The following NCAM2 variants were observed in gnomAD, a reference collection of about 807,000 sequenced individuals.
The protein encoded by NCAM2 is N-CAM-2.
NCAM2 carries 30 observed loss-of-function variants against 98.1 expected under a neutral mutation model. That is an observed-to-expected ratio of 0.31 (90% confidence interval 0.23 to 0.41). NCAM2 has a LOEUF of 0.41. Among genes scored for constraint, NCAM2 ranks in the 10% least tolerant of loss-of-function variants. The pLI is 1.00. For missense variants in NCAM2, 867 were observed against 1,005.8 expected, an observed-to-expected ratio of 0.86 and a Z score of 1.87; for synonymous variants, 368 against 342.4, an observed-to-expected ratio of 1.07 and a Z score of -0.83.
At chr21:21,217,917 A>G (rs1450138167) in intron 1 of NCAM2, among the ~76,000 whole-genome samples, 2 of 152,212 alleles carry the variant, frequency 1.3e-5, no homozygotes, top group African/African-American at 2.4e-5. Context: ...GAAAGCTGGT[A>G]GGAAAATGGA....
At chr21:21,177,987 A>T (rs2068349582) in intron 1 of NCAM2, among the ~76,000 whole-genome samples, 1 of 152,144 alleles carries the variant, frequency 6.6e-6, no homozygotes, top group Admixed American at 6.5e-5. Context: ...TTATAAAAAC[A>T]GTTTATATAT....
intron 1 of NCAM2, among the ~76,000 whole-genome samples, chr21:21,114,235 T>A (rs142406464): frequency 1.6e-3 from 244 of 152,314 alleles, no homozygotes; most frequent in African/African-American, 5.7e-3. Context: ...AGGCTTCTCA[T>A]GAGACTCTCC....
intron 1 of NCAM2, among the ~76,000 whole-genome samples, chr21:21,158,262 C>T (rs887818823): frequency 9.9e-5 from 15 of 152,128 alleles, no homozygotes; most frequent in Admixed American, 1.3e-4. Context: ...CACTGTTTTA[C>T]TTGAATACAG....
At chr21:21,328,750 A>T (rs1288303916) in intron 6 of NCAM2, among the ~76,000 whole-genome samples, 2 of 151,968 alleles carry the variant, frequency 1.3e-5, no homozygotes, top group African/African-American at 2.4e-5. Flanking sequence ...AAGTAAAAAA[A>T]GCTAAGGTGA....
intron 4 of NCAM2, among the ~76,000 whole-genome samples, chr21:21,288,220 A>AT (rs1402915341): frequency 1.3e-5 from 2 of 151,938 alleles, no homozygotes; most frequent in East Asian, 3.9e-4. Context: ...GTTTTTAAAA[A>AT]ATATATTTTT....
intron 1 of NCAM2, among the ~76,000 whole-genome samples, chr21:21,144,972 T>A (rs2067242474): frequency 6.6e-6 from 1 of 152,094 alleles, no homozygotes. Context: ...AAAGAAATAA[T>A]GATCATGAAG....
At chr21:21,454,654 A>C (rs1981854981) in intron 12 of NCAM2, among the ~76,000 whole-genome samples, 1 of 152,020 alleles carries the variant, frequency 6.6e-6, no homozygotes, top group Non-Finnish European at 1.5e-5. Flanking sequence ...AATTAATCTC[A>C]TTAATGCTAA....
intron 1 of NCAM2, among the ~76,000 whole-genome samples, chr21:21,176,628 TTAA>T (rs2068298757): frequency 6.6e-6 from 1 of 152,026 alleles, no homozygotes; most frequent in Non-Finnish European, 1.5e-5. Context: ...GAGGGAGAAA[TTAA>T]TAACATTTTA....
At chr21:21,326,767 G>T (rs1162125536) in intron 6 of NCAM2, among the ~76,000 whole-genome samples, 1 of 151,982 alleles carries the variant, frequency 6.6e-6, no homozygotes, top group Non-Finnish European at 1.5e-5. Context: ...CTAAATAATT[G>T]TTCTAGTCTC....
At chr21:21,054,099 G>T (rs915489331) in intron 1 of NCAM2, among the ~76,000 whole-genome samples, 1 of 151,794 alleles carries the variant, frequency 6.6e-6, no homozygotes, top group Non-Finnish European at 1.5e-5. Context: ...TTCAGAATTA[G>T]AAACTCTACT....
chr21:21,275,475 A>C (rs2072694849), intron 1 of NCAM2, among the ~76,000 whole-genome samples: 1 of 151,634 alleles, frequency 6.6e-6, no homozygotes. Flanking sequence ...AAAAAAAGAA[A>C]AATAAAAAAT....
In NCAM2 at chr21:21,227,694, TATTA is replaced by T. The variant is rs545244942; in HGVS notation, c.56-52880_56-52877del. 2.1e-3 allele frequency among the ~76,000 whole-genome samples: 320 copies of T among 151,980 alleles called. 1 individual carries two copies. The highest frequency in any genetic ancestry group is 7.4e-3 in the African/African-American group (306 of 41,552). ...AGCAGATATGTCTAAATAAAAGCTG[TATTA>T]ATTTCTTGTTAGCATTTTAAATTGT... On this transcript the variant is annotated intron_variant, in intron 1 of 17. Coordinates refer to ENST00000400546, the MANE Select transcript of NCAM2 (RefSeq NM_004540.5).
intron 1 of NCAM2, among the ~76,000 whole-genome samples, chr21:21,088,092 C>T (rs1426391119): frequency 3.3e-5 from 5 of 152,066 alleles, no homozygotes; most frequent in Non-Finnish European, 2.9e-5. Context: ...GTATATGATG[C>T]TATATTAAAT....
chr21:21,326,910 T>A (rs1411769394), intron 6 of NCAM2, among the ~76,000 whole-genome samples: 1 of 152,078 alleles, frequency 6.6e-6, no homozygotes, highest in Non-Finnish European at 1.5e-5. Flanking sequence ...AAAGAAAAAA[T>A]TCCTGAAAGT....
At chr21:21,338,359 C>G (rs2074934720) in intron 7 of NCAM2, 30 bp from the exon 8 acceptor site, 1 of 1,587,874 alleles carries the variant, frequency 6.3e-7, no homozygotes, top group African/African-American at 1.3e-5. Flanking sequence ...TCCTCCAATA[C>G]CGGTTGAGTA....
chr21:21,344,587 C>CT (rs1818913927), intron 8 of NCAM2, among the ~76,000 whole-genome samples: 1 of 152,100 alleles, frequency 6.6e-6, no homozygotes, highest in African/African-American at 2.4e-5. Context: ...ATCTTGTGGT[C>CT]TGAGTGCCAG....
intron 5 of NCAM2, among the ~76,000 whole-genome samples, chr21:21,299,696 C>T (rs1239377478): frequency 6.7e-6 from 1 of 149,266 alleles, no homozygotes; most frequent in Non-Finnish European, 1.5e-5. Context: ...CTAAATATGA[C>T]CTGCCTTATT....
chr21:21,464,158 C>T (rs1983367217), intron 12 of NCAM2, among the ~76,000 whole-genome samples: 2 of 152,108 alleles, frequency 1.3e-5, no homozygotes, highest in Non-Finnish European at 2.9e-5. Context: ...GCAGCCAAGT[C>T]ACAGACTACT....
intron 8 of NCAM2, among the ~76,000 whole-genome samples, chr21:21,363,308 ATGGCTAGCTT>A (rs373617061): frequency 6.6e-6 from 1 of 152,250 alleles, no homozygotes; most frequent in African/African-American, 2.4e-5. Context: ...TACTGGAAAC[ATGGCTAGCTT>A]TGTTTAGATC....
Sources: allele counts gnomAD v4.1 joint callset (sites outside exome capture counted in the v4.1 genomes callset), GRCh38; gene constraint gnomAD v4.1.1; transcripts MANE v1.5; gene names NCBI Gene and HGNC (gene_info 2026-07-23, HGNC 2026-07-21).